Variants in PHACTR3 observed in about 807,000 individuals in gnomAD.
PHACTR3 encodes protein phosphatase 1, regulatory subunit 123.
Under a neutral mutation model 66.8 loss-of-function variants are expected in PHACTR3, and 16 were observed. That is an observed-to-expected ratio of 0.24 (90% CI 0.16 to 0.36). The LOEUF (loss-of-function observed/expected upper bound fraction) is 0.36, where lower values mean the gene tolerates loss of function less well. Among genes scored for constraint, PHACTR3 ranks in the 10% least tolerant of loss-of-function variants. PHACTR3 has a pLI of 1.00. For missense variants in PHACTR3, 647 were observed against 719.9 expected (o/e 0.90, Z 1.16); for synonymous variants, 323 against 292.1 (o/e 1.11, Z -1.08).
At chr20:59,729,263 G>A (rs1383114877) in intron 1 of PHACTR3, among the ~76,000 whole-genome samples, 1 of 152,154 alleles carries the variant, frequency 6.6e-6, no homozygotes, top group African/African-American at 2.4e-5. Flanking sequence ...GGCGGATGTA[G>A]CAAAGTCACA....
chr20:59,717,037 T>C (rs1471776240), intron 1 of PHACTR3, among the ~76,000 whole-genome samples: 1 of 152,224 alleles, frequency 6.6e-6, no homozygotes, highest in African/African-American at 2.4e-5. Flanking sequence ...TGAAGTGCAA[T>C]TGAAATTTAT....
chr20:59,651,307 A>C (rs2035451909), intron 1 of PHACTR3, among the ~76,000 whole-genome samples: 1 of 152,242 alleles, frequency 6.6e-6, no homozygotes, highest in South Asian at 2.1e-4. Context: ...CAGAAACTAG[A>C]ATAAATTAAG....
intron 8 of PHACTR3, 133 bp downstream of exon 8, chr20:59,806,327 G>C (rs528447233): frequency 8.4e-7 from 1 of 1,184,424 alleles, no homozygotes; most frequent in African/African-American, 1.6e-5. Flanking sequence ...TCTTGACCCC[G>C]CCACCGTTGA....
intron 1 of PHACTR3, among the ~76,000 whole-genome samples, chr20:59,605,440 A>G (rs1481650249): frequency 6.6e-6 from 1 of 152,166 alleles, no homozygotes; most frequent in Non-Finnish European, 1.5e-5. Context: ...CTGGGGGAAG[A>G]GAGGCAGACC....
At chr20:59,712,140 C>T (rs1432227037) in intron 1 of PHACTR3, among the ~76,000 whole-genome samples, 1 of 152,084 alleles carries the variant, frequency 6.6e-6, no homozygotes, top group Non-Finnish European at 1.5e-5. Context: ...AAAATTTTAT[C>T]TTAACCCTGA....
At chr20:59,608,401 T>A (rs2033736138) in intron 1 of PHACTR3, among the ~76,000 whole-genome samples, 1 of 152,228 alleles carries the variant, frequency 6.6e-6, no homozygotes, top group African/African-American at 2.4e-5. Context: ...TAGGTGTTCT[T>A]CCAAAATAGA....
intron 1 of PHACTR3, among the ~76,000 whole-genome samples, chr20:59,662,076 C>T (rs367594873): frequency 6.6e-6 from 1 of 152,154 alleles, no homozygotes; most frequent in Non-Finnish European, 1.5e-5. Context: ...CAGCTACAGA[C>T]GATTCATTCA....
chr20:59,646,051 T>G (rs1213264889), intron 1 of PHACTR3, among the ~76,000 whole-genome samples: 2 of 152,164 alleles, frequency 1.3e-5, no homozygotes, highest in African/African-American at 4.8e-5. Context: ...CGTGGGCAGT[T>G]CTAGGATCTT....
chr20:59,790,143 T>C (rs964524428), intron 7 of PHACTR3, among the ~76,000 whole-genome samples: 7 of 152,186 alleles, frequency 4.6e-5, no homozygotes, highest in African/African-American at 1.7e-4. Flanking sequence ...AACTTTAAAG[T>C]TCAGGGGTAC....
intron 1 of PHACTR3, among the ~76,000 whole-genome samples, chr20:59,660,085 C>T (rs887175001): frequency 6.6e-6 from 1 of 152,212 alleles, no homozygotes; most frequent in Non-Finnish European, 1.5e-5. Context: ...CTTAGCCCCC[C>T]ACTTTCAGAG....
At chr20:59,580,563 T>C (rs1600857895) in intron 1 of PHACTR3, among the ~76,000 whole-genome samples, 1 of 150,000 alleles carries the variant, frequency 6.7e-6, no homozygotes, top group East Asian at 1.9e-4. Context: ...CTGCACTAAA[T>C]GAGTTTTTTT....
At chr20:59,839,805 T>C (rs778595876) in intron 9 of PHACTR3, among the ~76,000 whole-genome samples, 1 of 152,170 alleles carries the variant, frequency 6.6e-6, no homozygotes, top group Non-Finnish European at 1.5e-5. Context: ...GCGAGGTTCA[T>C]AGATGTGTTA....
At chr20:59,801,528 T>C (rs2041413457) in intron 7 of PHACTR3, among the ~76,000 whole-genome samples, 1 of 152,210 alleles carries the variant, frequency 6.6e-6, no homozygotes, top group Non-Finnish European at 1.5e-5. Flanking sequence ...GCTCTGCTAT[T>C]GGGTGTCCCC....
rs2039719018 is a variant in PHACTR3 at position 59,754,605 on chromosome 20, TCTCTGCAGCCATGACAAC to T, written c.359-575_359-558del. On this transcript the variant is annotated intron_variant, in intron 3 of 12. Transcript: ENST00000371015. Reference sequence around the variant, plus strand: ...ACGGTGGGTGCAGAGGTGAGTTGGTTCTCTGCAGCCATGACAACCCCTGCATCTCAGAGACCTACAGCA... The same window carrying T: ...ACGGTGGGTGCAGAGGTGAGTTGGTTCCCTGCATCTCAGAGACCTACAGCA... 2.0e-5 allele frequency among the ~76,000 whole-genome samples: 3 copies of T among 152,280 alleles called. No homozygotes were observed. The South Asian group carries it at 6.2e-4, about 32-fold the overall frequency.
intron 3 of PHACTR3, among the ~76,000 whole-genome samples, chr20:59,753,912 T>C (rs1008138879): frequency 3.3e-5 from 5 of 152,068 alleles, no homozygotes; most frequent in Non-Finnish European, 7.4e-5. Flanking sequence ...CTGAAGTAAA[T>C]GTTGCCTCCT....
intron 9 of PHACTR3, 94 bp downstream of exon 9, chr20:59,836,654 A>G (rs2058972847): frequency 8.0e-7 from 1 of 1,250,968 alleles, no homozygotes; most frequent in Admixed American, 2.4e-5. Flanking sequence ...CCTTCTCTGC[A>G]AGCGGAATGC....
At chr20:59,749,207 C>A (rs1004996322) in intron 3 of PHACTR3, among the ~76,000 whole-genome samples, 1 of 152,088 alleles carries the variant, frequency 6.6e-6, no homozygotes, top group South Asian at 2.1e-4. Context: ...CAAACTCCGG[C>A]ATTTTGAATA....
chr20:59,843,634 C>T lies in PHACTR3; in HGVS notation c.1588-1555C>T, dbSNP rs552118546. 3 of 152,050 alleles carry T rather than the reference C, an allele frequency of 2.0e-5. No homozygotes were observed. The South Asian group carries it at 6.2e-4, about 32-fold the overall frequency. 9.4% of individuals were successfully genotyped at this position (152,050 alleles called of 1,614,324 possible). On this transcript the variant is annotated intron_variant, in intron 11 of 12. Transcript: ENST00000371015. ...CTGGGAAAATTGGATATCCATATGGCAAAAGAATGAAACTGTACCCCTATT... is the reference window on the plus strand; with the variant it reads ...CTGGGAAAATTGGATATCCATATGGTAAAAGAATGAAACTGTACCCCTATT...
At chr20:59,764,601 G>T (rs1019366489) in intron 4 of PHACTR3, among the ~76,000 whole-genome samples, 1 of 152,178 alleles carries the variant, frequency 6.6e-6, no homozygotes, top group Admixed American at 6.5e-5. Context: ...TATGGAGGAA[G>T]GGGGCGGATG....
Sources: gnomAD v4.1 joint callset for allele counts (sites outside exome capture counted in the v4.1 genomes callset) on GRCh38, gnomAD v4.1.1 for gene constraint, MANE v1.5 for transcripts, NCBI Gene and HGNC (gene_info 2026-07-23, HGNC 2026-07-21) for gene names.